The following ALK variants were observed in gnomAD, a reference collection of about 807,000 sequenced individuals.
ALK encodes ALK receptor tyrosine kinase, also known as ALK tyrosine kinase receptor.
ALK carries 74 observed loss-of-function variants against 163.1 expected under a neutral mutation model. That is an observed-to-expected ratio of 0.45 (90% CI 0.38 to 0.55). The LOEUF (loss-of-function observed/expected upper bound fraction) is 0.55, where lower values mean the gene tolerates loss of function less well. Ranked by LOEUF, ALK falls within the 20% of genes least tolerant of loss-of-function variation. ALK has a pLI of 0.00. For missense variants in ALK, 2,063 were observed against 2,105.3 expected, an observed-to-expected ratio of 0.98 and a Z score of 0.39; for synonymous variants, 960 against 843.2, an observed-to-expected ratio of 1.14 and a Z score of -2.40.
intron 1 of ALK, among the ~76,000 whole-genome samples, chr2:29,748,775 T>G (rs1404769204): frequency 6.6e-6 from 1 of 152,036 alleles, no homozygotes; most frequent in Non-Finnish European, 1.5e-5. Context: ...AATCACAGTC[T>G]CACTCTGTCA....
intron 3 of ALK, among the ~76,000 whole-genome samples, chr2:29,648,195 A>AT (rs1343396981): frequency 3.3e-5 from 5 of 152,120 alleles, no homozygotes; most frequent in African/African-American, 7.2e-5. Context: ...AGGTTTAAAC[A>AT]TTTTTTAATT....
chr2:29,499,814 C>T (rs1484756972), intron 4 of ALK, among the ~76,000 whole-genome samples: 1 of 152,044 alleles, frequency 6.6e-6, no homozygotes, highest in African/African-American at 2.4e-5. Flanking sequence ...GTCTTCCTAG[C>T]CATAGATCTG....
intron 2 of ALK, among the ~76,000 whole-genome samples, chr2:29,704,179 A>C (rs190330390): frequency 6.6e-6 from 1 of 152,330 alleles, no homozygotes; most frequent in Admixed American, 6.5e-5. Flanking sequence ...CTACACGTAA[A>C]GCTACATTTC....
chr2:29,532,201 G>A lies in ALK; in HGVS notation c.953-85C>T, dbSNP rs1376692190. 6.1e-6 allele frequency: 8 copies of A among 1,310,702 alleles called. No individual in the cohort carries two copies. The East Asian group carries it at 1.5e-4, about 24-fold the overall frequency. The allele number at this position is 1,310,702 out of a possible 1,614,324, so 81.2% of individuals were successfully genotyped here. On this transcript the variant is annotated intron_variant, in intron 3 of 28. Coordinates refer to ENST00000389048, the MANE Select transcript of ALK (RefSeq NM_004304.5). Reference sequence around the variant, plus strand: ...CTGTGGCAAGACTTAGAGACAAATGGCATCAAAATCAGAGATACTGGAGGC... The same window carrying A: ...CTGTGGCAAGACTTAGAGACAAATGACATCAAAATCAGAGATACTGGAGGC...
At chr2:29,646,966 T>C (rs1357103560) in intron 3 of ALK, among the ~76,000 whole-genome samples, 1 of 152,226 alleles carries the variant, frequency 6.6e-6, no homozygotes, top group Non-Finnish European at 1.5e-5. Context: ...GGTCTGTGTG[T>C]ATAAACCAGT....
At chr2:29,359,397 G>A (rs1668335867) in intron 5 of ALK, among the ~76,000 whole-genome samples, 1 of 152,238 alleles carries the variant, frequency 6.6e-6, no homozygotes, top group African/African-American at 2.4e-5. Flanking sequence ...CTCCCACACA[G>A]AGGAGGGTTC....
intron 1 of ALK, among the ~76,000 whole-genome samples, chr2:29,746,922 A>G (rs1011180284): frequency 6.6e-6 from 1 of 152,222 alleles, no homozygotes; most frequent in African/African-American, 2.4e-5. Context: ...ATGTTATGCT[A>G]AAAGAAACCA....
At chr2:29,748,330 T>G (rs978070992) in intron 1 of ALK, among the ~76,000 whole-genome samples, 15 of 152,194 alleles carry the variant, frequency 9.9e-5, no homozygotes, top group African/African-American at 3.6e-4. Context: ...AAGGGTGTGT[T>G]GACTAAACTA....
intron 11 of ALK, among the ~76,000 whole-genome samples, chr2:29,264,511 T>C (rs542871953): frequency 1.3e-5 from 2 of 152,380 alleles, no homozygotes; most frequent in African/African-American, 4.8e-5. Flanking sequence ...GTTTGCTTTC[T>C]GCACTAGCAC....
At chr2:29,889,271 A>ATATACTCTC (rs1667071675) in intron 1 of ALK, among the ~76,000 whole-genome samples, 1 of 151,992 alleles carries the variant, frequency 6.6e-6, no homozygotes, top group African/African-American at 2.4e-5. Context: ...ATATATACAC[A>ATATACTCTC]TATATATCAT....
intron 2 of ALK, among the ~76,000 whole-genome samples, chr2:29,695,343 G>C (rs1678522945): frequency 2.0e-5 from 3 of 152,170 alleles, no homozygotes; most frequent in Admixed American, 2.0e-4. Flanking sequence ...TGAGTGGGCA[G>C]AGCCTTCCCA....
chr2:29,240,231 A>G (rs7560671), intron 12 of ALK, among the ~76,000 whole-genome samples: 31 of 151,992 alleles, frequency 2.0e-4, no homozygotes, highest in African/African-American at 7.0e-4. Context: ...CTGAATACCT[A>G]GGATTTCCTC....
At chr2:29,668,284 G>A (rs560682918) in intron 3 of ALK, among the ~76,000 whole-genome samples, 3 of 151,052 alleles carry the variant, frequency 2.0e-5, no homozygotes, top group East Asian at 2.0e-4. Flanking sequence ...TTTCTGCTCT[G>A]GTATTTATTA....
At chr2:29,610,809 A>C (rs1371823932) in intron 3 of ALK, among the ~76,000 whole-genome samples, 1 of 152,212 alleles carries the variant, frequency 6.6e-6, no homozygotes, top group Non-Finnish European at 1.5e-5. Flanking sequence ...ATAATTAAAA[A>C]AATGACTCCG....
At chr2:29,323,144 A>G (rs1463405423) in intron 6 of ALK, among the ~76,000 whole-genome samples, 1 of 152,208 alleles carries the variant, frequency 6.6e-6, no homozygotes, top group Non-Finnish European at 1.5e-5. Context: ...AAAATGGGGC[A>G]GTATTAGTGT....
At chr2:29,629,987 C>T (rs188766465) in intron 3 of ALK, among the ~76,000 whole-genome samples, 72 of 152,324 alleles carry the variant, frequency 4.7e-4, no homozygotes, top group Admixed American at 2.4e-3. Context: ...TTCCTCCCCA[C>T]CCCTGCCCAT....
intron 23 of ALK, among the ~76,000 whole-genome samples, chr2:29,219,548 A>G (rs1235824440): frequency 6.6e-6 from 1 of 152,114 alleles, no homozygotes; most frequent in Non-Finnish European, 1.5e-5. Flanking sequence ...TGATCCCCAT[A>G]GTACAGTGGT....
chr2:29,848,848 A>G (rs1488024608), intron 1 of ALK, among the ~76,000 whole-genome samples: 7 of 152,196 alleles, frequency 4.6e-5, no homozygotes, highest in Non-Finnish European at 1.0e-4. Flanking sequence ...TCAGGACTGC[A>G]GAGATGCGGC....
chr2:29,283,424 CAA>C (rs1665764666), intron 9 of ALK, among the ~76,000 whole-genome samples: 1 of 152,144 alleles, frequency 6.6e-6, no homozygotes, highest in Admixed American at 6.5e-5. Flanking sequence ...TTGGAACACA[CAA>C]ACATTTCCTC....
Sources: gnomAD v4.1 joint callset for allele counts (sites outside exome capture counted in the v4.1 genomes callset) on GRCh38, gnomAD v4.1.1 for gene constraint, MANE v1.5 for transcripts, NCBI Gene and HGNC (gene_info 2026-07-23, HGNC 2026-07-21) for gene names.